Variants in POPDC1 observed in about 807,000 individuals in gnomAD.
POPDC1 encodes the protein popeye domain cAMP effector 1.
chr6:105,100,528 A>G, the POPDC1 span: 1 of 128,874 alleles, frequency 7.8e-6, no homozygotes, highest in African/African-American at 2.8e-5. Flanking sequence ...AAAAAATTAT[A>G]TGTATGTGTG....
the POPDC1 span, among the ~76,000 whole-genome samples, chr6:105,118,093 A>G: frequency 5.9e-5 from 9 of 152,256 alleles, no homozygotes; most frequent in East Asian, 1.2e-3. Flanking sequence ...AAACAAATGA[A>G]CACAAATACC....
the POPDC1 span, among the ~76,000 whole-genome samples, chr6:105,132,700 A>G: frequency 2.6e-5 from 4 of 152,346 alleles, no homozygotes; most frequent in Admixed American, 2.0e-4. Context: ...CTAATATAAC[A>G]GATTCAATTG....
At chr6:105,129,296 TACTTAC>T in the POPDC1 span, 1 of 1,212,988 alleles carries the variant, frequency 8.2e-7, no homozygotes, top group Non-Finnish European at 1.1e-6. Context: ...ATATGCTAGA[TACTTAC>T]TCTTAACTCT....
the POPDC1 span, among the ~76,000 whole-genome samples, chr6:105,119,519 G>A: frequency 3.8e-3 from 577 of 152,302 alleles, 8 homozygotes; most frequent in African/African-American, 0.013. Context: ...TGAGGTGGGT[G>A]CATAAATGGA....
At chr6:105,105,075 T>G in the POPDC1 span, among the ~76,000 whole-genome samples, 2 of 152,146 alleles carry the variant, frequency 1.3e-5, no homozygotes, top group Non-Finnish European at 2.9e-5. Flanking sequence ...GAACACATCC[T>G]AGGAGGATAA....
At chr6:105,105,310 C>T in the POPDC1 span, among the ~76,000 whole-genome samples, 1 of 152,220 alleles carries the variant, frequency 6.6e-6, no homozygotes, top group South Asian at 2.1e-4. Context: ...AGCTGGCTGC[C>T]AACCCCTCGC....
the POPDC1 span, chr6:105,115,807 A>ATG: frequency 6.2e-7 from 1 of 1,613,464 alleles, no homozygotes. Context: ...GGCTGAGCTG[A>ATG]TGTTCCAGCT....
chr6:105,118,453 G>A, the POPDC1 span, among the ~76,000 whole-genome samples: 1 of 152,172 alleles, frequency 6.6e-6, no homozygotes, highest in Admixed American at 6.5e-5. Context: ...AAGACTTGAT[G>A]AAACACTAAA....
At chr6:105,124,745 T>C in the POPDC1 span, 1 of 954,424 alleles carries the variant, frequency 1.0e-6, no homozygotes, top group Non-Finnish European at 1.6e-6. Flanking sequence ...CGATTTTATT[T>C]TGTAGTACAG....
the POPDC1 span, among the ~76,000 whole-genome samples, chr6:105,102,095 C>T: frequency 6.6e-6 from 1 of 152,206 alleles, no homozygotes; most frequent in African/African-American, 2.4e-5. Flanking sequence ...GGGTTTCCAC[C>T]TGCTCTGCCC....
At chr6:105,116,814 A>C in the POPDC1 span, 1 of 1,612,280 alleles carries the variant, frequency 6.2e-7, no homozygotes, top group Non-Finnish European at 8.5e-7. Context: ...AAGTATGTTA[A>C]TCTTTCTCTT....
the POPDC1 span, among the ~76,000 whole-genome samples, chr6:105,110,876 G>C: frequency 6.6e-6 from 1 of 152,080 alleles, no homozygotes; most frequent in Non-Finnish European, 1.5e-5. Context: ...TGTAGAGAGG[G>C]GGTCTCGCTA....
the POPDC1 span, chr6:105,116,645 T>C: frequency 6.1e-5 from 84 of 1,387,150 alleles, no homozygotes; most frequent in Non-Finnish European, 7.9e-5. Flanking sequence ...TTTCATAAAG[T>C]GAAATATACC....
the POPDC1 span, among the ~76,000 whole-genome samples, chr6:105,101,683 C>A: frequency 4.2e-4 from 64 of 152,248 alleles, no homozygotes; most frequent in African/African-American, 1.4e-3. Context: ...CTTGCCTCCA[C>A]CATGGAGTCC....
the POPDC1 span, among the ~76,000 whole-genome samples, chr6:105,106,637 A>T: frequency 6.6e-6 from 1 of 152,046 alleles, no homozygotes; most frequent in Non-Finnish European, 1.5e-5. Context: ...GTTAGGGAGG[A>T]GGGGAGCCCA....
At chr6:105,112,995 A>G in the POPDC1 span, among the ~76,000 whole-genome samples, 1 of 151,180 alleles carries the variant, frequency 6.6e-6, no homozygotes, top group Non-Finnish European at 1.5e-5. Flanking sequence ...CAGTGGCTCT[A>G]TCATGGCTCA....
At chr6:105,117,824 A>G in the POPDC1 span, among the ~76,000 whole-genome samples, 1 of 152,198 alleles carries the variant, frequency 6.6e-6, no homozygotes, top group Non-Finnish European at 1.5e-5. Flanking sequence ...TTAATGCATG[A>G]CTGTTGTATG....
chr6:105,117,966 AG>A, the POPDC1 span, among the ~76,000 whole-genome samples: 1 of 152,132 alleles, frequency 6.6e-6, no homozygotes, highest in Non-Finnish European at 1.5e-5. Flanking sequence ...GGATCACCTG[AG>A]CCCAGGAAGG....
At chr6:105,136,074 A>G in the POPDC1 span, 1 of 152,214 alleles carries the variant, frequency 6.6e-6, no homozygotes, top group African/African-American at 2.4e-5. Flanking sequence ...TGAAACTAAC[A>G]TTAAACCTCT....
Sources: allele counts gnomAD v4.1 joint callset (sites outside exome capture counted in the v4.1 genomes callset), GRCh38; gene constraint gnomAD v4.1.1; transcripts MANE v1.5; gene names NCBI Gene and HGNC (gene_info 2026-07-23, HGNC 2026-07-21).